The following PRCP variants were observed in gnomAD, a reference collection of about 807,000 sequenced individuals.
The protein encoded by PRCP is lysosomal Pro-X carboxypeptidase.
PRCP carries 46 observed loss-of-function variants against 54.2 expected under a neutral mutation model. That is an observed-to-expected ratio of 0.85 (90% CI 0.67 to 1.09). The LOEUF (loss-of-function observed/expected upper bound fraction) is 1.09. Among genes scored for constraint, PRCP ranks in the 50% least tolerant of loss-of-function variants. The pLI is 0.00. For synonymous variants in PRCP, 240 were observed against 212.2 expected, an observed-to-expected ratio of 1.13 and a Z score of -1.14; for missense variants, 613 against 596.8, an observed-to-expected ratio of 1.03 and a Z score of -0.28.
At chr11:82,870,093 G>C (rs1859443231) in intron 1 of PRCP, among the ~76,000 whole-genome samples, 1 of 152,210 alleles carries the variant, frequency 6.6e-6, no homozygotes, top group Admixed American at 6.5e-5. Context: ...AAGGTTATAA[G>C]TCAAAGTTTT....
intron 1 of PRCP, among the ~76,000 whole-genome samples, chr11:82,870,350 G>A (rs1859449777): frequency 6.6e-6 from 1 of 152,194 alleles, no homozygotes; most frequent in Non-Finnish European, 1.5e-5. Flanking sequence ...AGTAATTGGA[G>A]GGAATAGTTG....
chr11:82,892,421 GA>G (rs1425492717), intron 1 of PRCP, among the ~76,000 whole-genome samples: 1 of 151,778 alleles, frequency 6.6e-6, no homozygotes, highest in African/African-American at 2.4e-5. Flanking sequence ...GAACCAGAAA[GA>G]AAAAAATATT....
chr11:82,849,966 A>C lies in PRCP; in HGVS notation c.699T>G (p.Cys233Trp), dbSNP rs1162309389. 12 of 1,542,874 alleles carry C rather than the reference A, an allele frequency of 7.8e-6. No individual in the cohort carries two copies. The highest frequency in any genetic ancestry group is 1.4e-5 in the African/African-American group (1 of 71,618). ...TTDFRKSGPH[C>W]SESIHRSWDA... ...CCCAGGACCTGTGGATGCTCTCTGA[A>C]CAATGTGGACCGCTTTTCCTAAAAT... Residue 233 changes from cysteine to tryptophan, a missense_variant, in exon 5 of 9, where the codon TGT (cysteine) becomes TGG (tryptophan). Coordinates refer to ENST00000313010, the MANE Select transcript of PRCP (RefSeq NM_005040.4).
At chr11:82,840,708 A>C (rs1858641700) in intron 6 of PRCP, 1 of 152,188 alleles carries the variant, frequency 6.6e-6, no homozygotes, top group Non-Finnish European at 1.5e-5. Context: ...AGTAATTATT[A>C]AGCCTTGGGT....
chr11:82,858,712 A>C (rs1477727539), intron 2 of PRCP: 1 of 152,168 alleles, frequency 6.6e-6, no homozygotes, highest in Non-Finnish European at 1.5e-5. Flanking sequence ...AAGTCACACC[A>C]AAAGGAGAAA....
upstream of PRCP, chr11:82,901,037 G>C (rs576082685): frequency 5.8e-5 from 22 of 381,130 alleles, no homozygotes; most frequent in African/African-American, 4.4e-4. Context: ...GAGAGGTGCG[G>C]GAACTTGCAC....
chr11:82,852,115 A>C (rs7106307), intron 3 of PRCP, among the ~76,000 whole-genome samples: 17,808 of 152,204 alleles, frequency 0.12, 1,999 homozygotes, highest in African/African-American at 0.3. Flanking sequence ...ATCTACAACA[A>C]GCTAACTGCT....
chr11:82,881,624 A>G (rs1224365991), intron 1 of PRCP, among the ~76,000 whole-genome samples: 2 of 152,220 alleles, frequency 1.3e-5, no homozygotes, highest in Admixed American at 6.5e-5. Context: ...GGGTATTATA[A>G]TAAGTTAGCC....
intron 1 of PRCP, among the ~76,000 whole-genome samples, chr11:82,876,376 C>A (rs761449036): frequency 6.6e-6 from 1 of 152,212 alleles, no homozygotes; most frequent in African/African-American, 2.4e-5. Context: ...TGATAACCAT[C>A]AATAACTTTA....
intron 6 of PRCP, 95 bp from the exon 7 acceptor site, chr11:82,839,520 T>C (rs1016864390): frequency 1.7e-5 from 23 of 1,331,484 alleles, no homozygotes; most frequent in South Asian, 1.3e-5. Context: ...TTTGATCTGA[T>C]CATAAAATAT....
At chr11:82,872,850 CCAGA>C in intron 1 of PRCP, among the ~76,000 whole-genome samples, 1 of 152,096 alleles carries the variant, frequency 6.6e-6, no homozygotes, top group Admixed American at 6.5e-5. Flanking sequence ...CCTGAAGGAG[CCAGA>C]CAAAGAAAGA....
intron 6 of PRCP, chr11:82,839,627 T>A: frequency 1.7e-6 from 1 of 589,452 alleles, no homozygotes; most frequent in Non-Finnish European, 2.9e-6. Flanking sequence ...GCTATAGAAA[T>A]AAACCGAAGT....
chr11:82,856,673 CT>C (rs11301055), intron 2 of PRCP, among the ~76,000 whole-genome samples: 17,667 of 151,268 alleles, frequency 0.12, 1,968 homozygotes, highest in African/African-American at 0.3. Flanking sequence ...CATGTACCCC[CT>C]GAACCTAAAA....
At chr11:82,901,027 G>C (rs1160889447), upstream of PRCP, 1 of 384,262 alleles carries the variant, frequency 2.6e-6, no homozygotes, top group African/African-American at 2.1e-5. Context: ...CTGAGGCTCA[G>C]AGAGGTGCGG....
intron 8 of PRCP, chr11:82,831,323 G>C (rs1455604773): frequency 6.6e-6 from 1 of 152,164 alleles, no homozygotes; most frequent in Non-Finnish European, 1.5e-5. Flanking sequence ...GCTGTAATGA[G>C]ACTATTAACA....
chr11:82,847,679 T>TTACTGCAGCCCCAAGCAATCA (rs1858839837), intron 6 of PRCP, among the ~76,000 whole-genome samples: 1 of 152,096 alleles, frequency 6.6e-6, no homozygotes, highest in African/African-American at 2.4e-5. Flanking sequence ...TGATCACAGC[T>TTACTGCAGCCCCAAGCAATCA]TACTGCAGCC....
intron 1 of PRCP, among the ~76,000 whole-genome samples, chr11:82,884,015 G>C (rs1859811267): frequency 6.6e-6 from 1 of 152,194 alleles, no homozygotes; most frequent in Non-Finnish European, 1.5e-5. Context: ...CAAAGGAAGA[G>C]GCCATCAGTG....
rs1234906757 is a variant in PRCP at position 82,823,282 on chromosome 11, A to G, written c.*1624T>C. ...TGTAAGAATATCCTCTATTGAGCCC[A>G]TAAACCCTGCATTATTTAATTTCTT... On this transcript the variant is annotated 3_prime_UTR_variant, in exon 9 of 9. Coordinates refer to ENST00000313010, the MANE Select transcript of PRCP (RefSeq NM_005040.4). Among the ~76,000 whole-genome samples the G allele has an allele frequency of 6.6e-6, 1 of 152,224 alleles. No individual in the cohort carries two copies. The highest frequency in any genetic ancestry group is 6.5e-5 in the Admixed American group (1 of 15,280).
intron 6 of PRCP, among the ~76,000 whole-genome samples, chr11:82,847,842 C>T (rs1184499476): frequency 1.3e-5 from 2 of 152,180 alleles, no homozygotes; most frequent in Non-Finnish European, 2.9e-5. Context: ...AATCCTCCCA[C>T]CTCGGCCTCC....
Sources: allele counts gnomAD v4.1 joint callset (sites outside exome capture counted in the v4.1 genomes callset), GRCh38; gene constraint gnomAD v4.1.1; transcripts MANE v1.5; gene names NCBI Gene and HGNC (gene_info 2026-07-23, HGNC 2026-07-21).